The following DPYD variants were observed in gnomAD, a reference collection of about 807,000 sequenced individuals.
The protein encoded by DPYD is dihydropyrimidine dehydrogenase [NADP(+)].
In DPYD, 109 loss-of-function variants were observed where a neutral mutation model predicts 116.2. The observed-to-expected ratio is 0.94, with a 90% CI of 0.80 to 1.10. The LOEUF (loss-of-function observed/expected upper bound fraction) is 1.10. Among genes scored for constraint, DPYD ranks in the 50% least tolerant of loss-of-function variants. The pLI, the probability that DPYD is intolerant of heterozygous loss-of-function variation, is 0.00. For synonymous variants in DPYD, 440 were observed against 432.0 expected (o/e 1.02, Z -0.23); for missense variants, 1,302 against 1,254.5 (o/e 1.04, Z -0.57).
chr1:97,820,855 A>T (rs1363820723), intron 3 of DPYD, among the ~76,000 whole-genome samples: 2 of 152,182 alleles, frequency 1.3e-5, no homozygotes, highest in Admixed American at 1.3e-4. Context: ...TATACTCATA[A>T]ATCTATTAAC....
chr1:97,515,836 T>G lies in DPYD; in HGVS notation c.1630A>C (p.Asn544His). The G allele has an allele frequency of 6.2e-7, 1 of 1,612,948 alleles. No homozygotes were observed. The highest frequency in any genetic ancestry group is 8.5e-7 in the Non-Finnish European group (1 of 1,179,302). ...SVEMAGLKFINPFGLASATPA... is the reference protein window; with the variant it reads ...SVEMAGLKFIHPFGLASATPA... ...GTTGCGCTAGCAAGACCAAAAGGATTTATAAACTTCAATCCGGCCATTTCT... is the reference window on the plus strand; with the variant it reads ...GTTGCGCTAGCAAGACCAAAAGGATGTATAAACTTCAATCCGGCCATTTCT... Residue 544 changes from asparagine to histidine, a missense_variant, in exon 13 of 23, where the codon AAT (asparagine) becomes CAT (histidine). Transcript: ENST00000370192.
chr1:97,138,641 T>A (rs1452469671), intron 20 of DPYD, among the ~76,000 whole-genome samples: 1 of 152,116 alleles, frequency 6.6e-6, no homozygotes, highest in Non-Finnish European at 1.5e-5. Context: ...AAAATGTTCA[T>A]AAAGGTTGGG....
chr1:97,905,294 T>A (rs948917450), intron 1 of DPYD, among the ~76,000 whole-genome samples: 1 of 151,988 alleles, frequency 6.6e-6, no homozygotes, highest in Non-Finnish European at 1.5e-5. Context: ...TAACCTTAGA[T>A]CATATCCTTG....
At chr1:97,446,340 C>T (rs987980706) in intron 14 of DPYD, among the ~76,000 whole-genome samples, 1 of 152,092 alleles carries the variant, frequency 6.6e-6, no homozygotes, top group African/African-American at 2.4e-5. Flanking sequence ...CCAAGCTTCG[C>T]CAGAGTGCCT....
chr1:97,260,817 A>G (rs1371196804), intron 18 of DPYD, among the ~76,000 whole-genome samples: 3 of 152,132 alleles, frequency 2.0e-5, no homozygotes, highest in African/African-American at 7.2e-5. Context: ...GAACATAACT[A>G]TATAATGTAC....
chr1:97,123,012 C>T (rs1231642077), intron 20 of DPYD, among the ~76,000 whole-genome samples: 1 of 152,006 alleles, frequency 6.6e-6, no homozygotes, highest in African/African-American at 2.4e-5. Context: ...ACTTGGATCT[C>T]GTTAGATCAG....
At chr1:97,165,608 A>T (rs146802895) in intron 20 of DPYD, among the ~76,000 whole-genome samples, 11 of 152,300 alleles carry the variant, frequency 7.2e-5, no homozygotes, top group African/African-American at 2.6e-4. Flanking sequence ...TGCACAGAAA[A>T]AGAGAATGTC....
chr1:97,603,156 A>G (rs1291822807), intron 8 of DPYD, among the ~76,000 whole-genome samples: 1 of 152,044 alleles, frequency 6.6e-6, no homozygotes, highest in Non-Finnish European at 1.5e-5. Context: ...CTCAAACAAT[A>G]CGCCTCAGGC....
intron 16 of DPYD, among the ~76,000 whole-genome samples, chr1:97,310,119 T>G (rs1480309697): frequency 6.6e-6 from 1 of 151,818 alleles, no homozygotes; most frequent in African/African-American, 2.4e-5. Flanking sequence ...CTCTGTACAA[T>G]TCATTTCAAA....
chr1:97,742,658 C>T (rs184194217), intron 3 of DPYD, among the ~76,000 whole-genome samples: 105 of 152,150 alleles, frequency 6.9e-4, no homozygotes, highest in Non-Finnish European at 1.3e-3. Flanking sequence ...TAATGTATGG[C>T]CTATTTGGTC....
chr1:97,319,857 A>G (rs1366347082), intron 16 of DPYD, among the ~76,000 whole-genome samples: 1 of 89,856 alleles, frequency 1.1e-5, no homozygotes, highest in African/African-American at 4.2e-5. Context: ...AACCGAATCC[A>G]GCAGCACATC....
intron 12 of DPYD, among the ~76,000 whole-genome samples, chr1:97,544,082 G>C (rs564916422): frequency 6.6e-6 from 1 of 152,230 alleles, no homozygotes; most frequent in South Asian, 2.1e-4. Flanking sequence ...GTCATTGAAG[G>C]GTTTTAAATG....
intron 20 of DPYD, among the ~76,000 whole-genome samples, chr1:97,183,395 T>A (rs768525838): frequency 6.6e-6 from 1 of 152,094 alleles, no homozygotes; most frequent in African/African-American, 2.4e-5. Flanking sequence ...TGCACCCCTG[T>A]CAAAAATCAA....
intron 11 of DPYD, among the ~76,000 whole-genome samples, chr1:97,568,954 TAC>T (rs10565495): frequency 0.76 from 115,935 of 151,744 alleles, 45,908 homozygotes; most frequent in East Asian, 0.96. Context: ...CATAAATCTT[TAC>T]AGAGTCAAAA....
intron 16 of DPYD, among the ~76,000 whole-genome samples, chr1:97,334,502 G>T (rs1669185866): frequency 6.6e-6 from 1 of 152,164 alleles, no homozygotes; most frequent in African/African-American, 2.4e-5. Flanking sequence ...TACGGGATTT[G>T]TAACATGCAT....
intron 4 of DPYD, among the ~76,000 whole-genome samples, chr1:97,733,661 A>C (rs998885612): frequency 6.6e-6 from 1 of 152,062 alleles, no homozygotes; most frequent in Admixed American, 6.5e-5. Flanking sequence ...GCTTTAAATA[A>C]TATATTTGTA....
At chr1:97,503,392 C>T (rs1446805960) in intron 13 of DPYD, among the ~76,000 whole-genome samples, 1 of 151,894 alleles carries the variant, frequency 6.6e-6, no homozygotes, top group Non-Finnish European at 1.5e-5. Flanking sequence ...GAGCAAGGAC[C>T]CCAGCTGCTG....
At chr1:97,819,098 C>T (rs1668784206) in intron 3 of DPYD, among the ~76,000 whole-genome samples, 1 of 151,880 alleles carries the variant, frequency 6.6e-6, no homozygotes, top group African/African-American at 2.4e-5. Flanking sequence ...GATTGACTTC[C>T]TCATGTGTTA....
chr1:97,219,688 C>T (rs1660657009), intron 19 of DPYD, among the ~76,000 whole-genome samples: 1 of 152,052 alleles, frequency 6.6e-6, no homozygotes, highest in Admixed American at 6.6e-5. Context: ...GAACAAGATG[C>T]CATGGAAGTA....
Sources: allele counts gnomAD v4.1 joint callset (sites outside exome capture counted in the v4.1 genomes callset), GRCh38; gene constraint gnomAD v4.1.1; transcripts MANE v1.5; gene names NCBI Gene and HGNC (gene_info 2026-07-23, HGNC 2026-07-21).